CDH23: variants seen among roughly 807,000 people sequenced by gnomAD.
The protein encoded by CDH23 is cadherin-23.
Under a neutral mutation model 317.1 loss-of-function variants are expected in CDH23, and 189 were observed. The observed-to-expected ratio is 0.60, with a 90% CI of 0.53 to 0.67. The LOEUF (loss-of-function observed/expected upper bound fraction) is 0.67. Among genes scored for constraint, CDH23 ranks in the 30% least tolerant of loss-of-function variants. The probability of loss-of-function intolerance (pLI) is 0.00; values close to 1 mark genes in which losing one functional copy is unlikely to be tolerated. For synonymous variants in CDH23, 1,839 were observed against 1,876.8 expected, an observed-to-expected ratio of 0.98 and a Z score of 0.52; for missense variants, 4,401 against 4,592.4, an observed-to-expected ratio of 0.96 and a Z score of 1.20.
chr10:71,612,246 G>GTGTT (rs1364775358), intron 9 of CDH23, among the ~76,000 whole-genome samples: 1 of 151,782 alleles, frequency 6.6e-6, no homozygotes, highest in Non-Finnish European at 1.5e-5. Flanking sequence ...GTGTGTGTGT[G>GTGTT]TGTGTATGTA....
chr10:71,763,818 T>C (rs950378789), intron 38 of CDH23, among the ~76,000 whole-genome samples: 13 of 151,942 alleles, frequency 8.6e-5, no homozygotes, highest in Admixed American at 8.5e-4. Flanking sequence ...CTCCTAGGAG[T>C]GAGAAGCACA....
rs540244627 is a variant in CDH23, at chr10:71,557,600, T to A, written c.430-9142T>A. ...TTCAGAAAAAAGTGTTCATGGGAAT[T>A]TTTTTCACTTCATCTGAACAATGCG... On this transcript the variant is annotated intron_variant, in intron 6 of 69. Coordinates refer to ENST00000224721, the MANE Select transcript of CDH23 (RefSeq NM_022124.6). Among the ~76,000 whole-genome samples the A allele has an allele frequency of 5.9e-5, 9 of 152,358 alleles. No individual in the cohort carries two copies. In the South Asian group the frequency reaches 1.9e-3, roughly 32 times the overall value.
At chr10:71,790,678 C>A (rs1335880973) in intron 46 of CDH23, 1 of 518,430 alleles carries the variant, frequency 1.9e-6, no homozygotes, top group African/African-American at 1.9e-5. Context: ...CCCCAGCCCA[C>A]TCCCGTCATC....
At chr10:71,697,847 C>G (rs1207118940) in intron 22 of CDH23, among the ~76,000 whole-genome samples, 2 of 152,210 alleles carry the variant, frequency 1.3e-5, no homozygotes, top group Non-Finnish European at 2.9e-5. Context: ...CGCATCATCC[C>G]TATCTGTAGT....
At position 71,815,296 on chromosome 10, in the gene CDH23, G is replaced by C. The variant is rs769833041; in HGVS notation, c.*18G>C. ...AGCTGTGACTAGACAGGGAAGCCTT[G>C]TGGGTGTGAGCAGCACCCATCCACC... On this transcript the variant is annotated 3_prime_UTR_variant, in exon 70 of 70. Coordinates refer to ENST00000224721, the MANE Select transcript of CDH23 (RefSeq NM_022124.6). 2 of 1,543,800 alleles carry C rather than the reference G, an allele frequency of 1.3e-6. No individual in the cohort carries two copies. Among genetic ancestry groups the C allele is most frequent in the Non-Finnish European group, 8.8e-7 (1 of 1,140,060 alleles).
chr10:71,637,790 G>A (rs1862345957), intron 11 of CDH23, among the ~76,000 whole-genome samples: 1 of 152,110 alleles, frequency 6.6e-6, no homozygotes, highest in Non-Finnish European at 1.5e-5. Context: ...AGAACTCCCT[G>A]GGTGCCTCAC....
At position 71,777,857 on chromosome 10, in the gene CDH23, G is replaced by A. The variant is rs17712523; in HGVS notation, c.5023G>A (p.Val1675Ile). 0.19 allele frequency: 310,830 copies of A among 1,613,690 alleles called. 31,390 individuals carry two copies. The highest frequency in any genetic ancestry group is 0.21 in the Non-Finnish European group (242,980 of 1,179,806). ...GPNGTVTYAI[V>I]AGNIVNTFRI... ...CAACGGCACAGTCACCTATGCCATCGTCGCAGGCAACATCGTCAACACCTT... is the reference window on the plus strand; with the variant it reads ...CAACGGCACAGTCACCTATGCCATCATCGCAGGCAACATCGTCAACACCTT... The change falls in exon 39 of 70, where the codon GTC (valine) becomes ATC (isoleucine). Residue 1675 changes from valine to isoleucine, a missense_variant. This residue lies in a region of CDH23 where 3,068 missense variants were observed against 3,203.3 expected (regional missense o/e 0.96). Coordinates refer to ENST00000224721, the MANE Select transcript of CDH23 (RefSeq NM_022124.6).
chr10:71,804,813 T>C (rs1278333920), intron 55 of CDH23, among the ~76,000 whole-genome samples: 1 of 152,208 alleles, frequency 6.6e-6, no homozygotes, highest in Non-Finnish European at 1.5e-5. Flanking sequence ...TTGATCAATC[T>C]TGTTATAATT....
At chr10:71,768,202 G>A (rs758208084) in intron 38 of CDH23, among the ~76,000 whole-genome samples, 16 of 152,122 alleles carry the variant, frequency 1.1e-4, no homozygotes, top group African/African-American at 3.1e-4. Flanking sequence ...ATGGAGTCTC[G>A]CTCTGTTGCC....
intron 27 of CDH23, among the ~76,000 whole-genome samples, chr10:71,711,476 G>A (rs1865968910): frequency 1.3e-5 from 2 of 152,086 alleles, no homozygotes; most frequent in South Asian, 2.1e-4. Flanking sequence ...ATGCAGCGCT[G>A]GTTACAAGCT....
In CDH23 at chr10:71,728,129, A is replaced by G. The variant is rs554950402; in HGVS notation, c.3580-2340A>G. Among the ~76,000 whole-genome samples, 256 of 152,268 alleles carry G rather than the reference A, an allele frequency of 1.7e-3. 6 individuals carry two copies. In the South Asian group the frequency reaches 0.05, roughly 30 times the overall value. Reference sequence around the variant, plus strand: ...GGAAGGGTAAGGCGCACAGTTTTGCAAGAGGAGTGGTTAGTTTCTGTTTAC... The same window carrying G: ...GGAAGGGTAAGGCGCACAGTTTTGCGAGAGGAGTGGTTAGTTTCTGTTTAC... On this transcript the variant is annotated intron_variant, in intron 30 of 69. Transcript: ENST00000224721.
rs1564733727 is a variant in CDH23 at position 71,688,987 on chromosome 10, T to TC, written c.2059+1269dup. Among the ~76,000 whole-genome samples, 6 of 2,244 alleles carry TC rather than the reference T, an allele frequency of 2.7e-3. 2 individuals are homozygous for TC. The highest frequency in any genetic ancestry group is 5.0e-3 in the Non-Finnish European group (4 of 800). The allele number at this position is 2,244 out of a possible 152,430, so 1.5% of individuals were successfully genotyped here. A position where few individuals can be genotyped will look rare whatever the true frequency, so the allele number is the denominator to read the frequency against. ...GTGGTGGAGTCCAGGGGTGGTGGAG[T>TC]CAGGGATGGTGGAGCCAGGGGTGGT... On this transcript the variant is annotated intron_variant, in intron 19 of 69. Coordinates refer to ENST00000224721, the MANE Select transcript of CDH23 (RefSeq NM_022124.6).
At chr10:71,714,245 G>T (rs1866113436) in intron 28 of CDH23, 1 of 152,102 alleles carries the variant, frequency 6.6e-6, no homozygotes, top group South Asian at 2.1e-4. Context: ...GAGGGAAGAT[G>T]AGGCTCTGTG....
chr10:71,755,975 T>G (rs142579611), intron 38 of CDH23, among the ~76,000 whole-genome samples: 1 of 152,286 alleles, frequency 6.6e-6, no homozygotes, highest in African/African-American at 2.4e-5. Flanking sequence ...ACATTATATA[T>G]GTTTTATCAT....
intron 3 of CDH23, among the ~76,000 whole-genome samples, chr10:71,483,193 A>G (rs1444386520): frequency 1.3e-5 from 2 of 152,216 alleles, no homozygotes; most frequent in South Asian, 2.1e-4. Flanking sequence ...TGTCCTTAGG[A>G]CTTGGTGACC....
chr10:71,401,711 A>G (rs1464561735), intron 1 of CDH23, among the ~76,000 whole-genome samples: 1 of 152,114 alleles, frequency 6.6e-6, no homozygotes, highest in East Asian at 1.9e-4. Flanking sequence ...CCCCATAGAG[A>G]AGGGGCAAAA....
chr10:71,634,267 G>A (rs1009916984), intron 11 of CDH23, among the ~76,000 whole-genome samples: 15 of 152,374 alleles, frequency 9.8e-5, no homozygotes, highest in Non-Finnish European at 1.6e-4. Context: ...GGCCCCAGAA[G>A]GAGGGGCAGG....
intron 1 of CDH23, among the ~76,000 whole-genome samples, chr10:71,439,115 C>T (rs1282366061): frequency 1.3e-5 from 2 of 152,126 alleles, no homozygotes; most frequent in Non-Finnish European, 1.5e-5. Context: ...GAACCTCTGT[C>T]AACTGAGCCC....
intron 37 of CDH23, among the ~76,000 whole-genome samples, chr10:71,741,176 T>C (rs1163283344): frequency 2.0e-5 from 3 of 152,212 alleles, no homozygotes; most frequent in Non-Finnish European, 4.4e-5. Context: ...AAGAAGAAAG[T>C]TGCCTTTCAC....
Sources: gnomAD v4.1 joint callset for allele counts (sites outside exome capture counted in the v4.1 genomes callset) on GRCh38, gnomAD v4.1.1 for gene constraint, gnomAD v4.1.1 regional missense constraint, MANE v1.5 for transcripts, NCBI Gene and HGNC (gene_info 2026-07-23, HGNC 2026-07-21) for gene names.